The following NCKAP5 variants were observed in gnomAD, a reference collection of about 807,000 sequenced individuals.
The protein encoded by NCKAP5 is nck-associated protein 5.
NCKAP5 carries 92 observed loss-of-function variants against 167.0 expected under a neutral mutation model. That is an observed-to-expected ratio of 0.55 (90% CI 0.47 to 0.66). The LOEUF (loss-of-function observed/expected upper bound fraction) is 0.66. Ranked by LOEUF, NCKAP5 falls within the 30% of genes least tolerant of loss-of-function variation. The pLI is 0.00. For synonymous variants in NCKAP5, 891 were observed against 877.4 expected (o/e 1.02, Z -0.27); for missense variants, 2,378 against 2,315.0 (o/e 1.03, Z -0.56).
the NCKAP5 span, among the ~76,000 whole-genome samples, chr2:133,577,389 A>G: frequency 5.3e-5 from 8 of 152,152 alleles, no homozygotes; most frequent in Non-Finnish European, 7.3e-5. Context: ...CCCCTATAGC[A>G]TTGTAATGTT....
chr2:133,350,170 G>A (rs533813327), intron 3 of NCKAP5, among the ~76,000 whole-genome samples: 107 of 152,216 alleles, frequency 7.0e-4, no homozygotes, highest in South Asian at 2.5e-3. Context: ...CCAGAACTTT[G>A]GGAGCCTGAG....
chr2:133,318,677 A>T (rs917359717), intron 3 of NCKAP5, among the ~76,000 whole-genome samples: 11 of 152,150 alleles, frequency 7.2e-5, no homozygotes, highest in South Asian at 2.1e-4. Context: ...GAGAAATGGG[A>T]CATACGGCAA....
At chr2:132,948,925 A>G (rs192629150) in intron 8 of NCKAP5, among the ~76,000 whole-genome samples, 39 of 152,274 alleles carry the variant, frequency 2.6e-4, no homozygotes, top group African/African-American at 7.9e-4. Context: ...TGTGGAAGGA[A>G]AGAAAAATTC....
intron 8 of NCKAP5, among the ~76,000 whole-genome samples, chr2:132,924,858 A>C (rs747608163): frequency 6.6e-6 from 1 of 152,222 alleles, no homozygotes; most frequent in Non-Finnish European, 1.5e-5. Flanking sequence ...AAAAATACTA[A>C]GGAATATTTT....
chr2:132,851,582 C>T (rs964005079), intron 11 of NCKAP5, among the ~76,000 whole-genome samples: 1 of 152,172 alleles, frequency 6.6e-6, no homozygotes, highest in Non-Finnish European at 1.5e-5. Flanking sequence ...CTGCAGTTCT[C>T]TTCCCAAGGA....
At chr2:132,949,009 G>T (rs895554211) in intron 8 of NCKAP5, among the ~76,000 whole-genome samples, 2,121 of 40,510 alleles carry the variant, frequency 0.052, 69 homozygotes, top group African/African-American at 0.15. Context: ...GAAATGAAAA[G>T]AAAAGAAAAG....
intron 6 of NCKAP5, among the ~76,000 whole-genome samples, chr2:133,108,175 T>G (rs2081780505): frequency 6.6e-6 from 1 of 152,216 alleles, no homozygotes. Context: ...CATAATTCTC[T>G]TCTGTGTCTG....
At chr2:132,702,680 A>C (rs555927287) in intron 19 of NCKAP5, among the ~76,000 whole-genome samples, 2 of 152,160 alleles carry the variant, frequency 1.3e-5, no homozygotes, top group East Asian at 1.9e-4. Context: ...GTTTTTCTTC[A>C]TCATTTCTTC....
intron 3 of NCKAP5, among the ~76,000 whole-genome samples, chr2:133,394,392 G>T (rs1687610689): frequency 6.6e-6 from 1 of 152,174 alleles, no homozygotes. Context: ...TCTCAGAGAA[G>T]ATGGACTATC....
At chr2:133,549,438 A>G (rs1440122104) in intron 2 of NCKAP5, among the ~76,000 whole-genome samples, 2 of 114,978 alleles carry the variant, frequency 1.7e-5, no homozygotes, top group Non-Finnish European at 3.6e-5. Context: ...AGGATTAAGA[A>G]TCTCACTCAA....
At chr2:132,702,678 T>A (rs144729800) in intron 19 of NCKAP5, among the ~76,000 whole-genome samples, 1 of 152,248 alleles carries the variant, frequency 6.6e-6, no homozygotes, top group African/African-American at 2.4e-5. Flanking sequence ...CTGTTTTTCT[T>A]CATCATTTCT....
intron 6 of NCKAP5, among the ~76,000 whole-genome samples, chr2:133,069,589 C>A (rs2080318392): frequency 6.6e-6 from 1 of 152,010 alleles, no homozygotes; most frequent in Non-Finnish European, 1.5e-5. Flanking sequence ...AGTTTTATTC[C>A]CCAGCCTTTT....
At chr2:133,304,487 T>C (rs1219982278) in intron 3 of NCKAP5, among the ~76,000 whole-genome samples, 4 of 152,202 alleles carry the variant, frequency 2.6e-5, no homozygotes, top group African/African-American at 9.6e-5. Context: ...ACAAGACCAC[T>C]GGGAATGTTA....
At chr2:132,798,768 C>T (rs1463107225) in intron 11 of NCKAP5, among the ~76,000 whole-genome samples, 1 of 152,118 alleles carries the variant, frequency 6.6e-6, no homozygotes, top group Non-Finnish European at 1.5e-5. Flanking sequence ...GAGTTCTAGC[C>T]CTGTTGAAGG....
At chr2:132,944,794 T>C (rs1337520081) in intron 8 of NCKAP5, among the ~76,000 whole-genome samples, 1 of 152,152 alleles carries the variant, frequency 6.6e-6, no homozygotes, top group Non-Finnish European at 1.5e-5. Flanking sequence ...AGAAAATGAC[T>C]CTAAGGACAT....
intron 11 of NCKAP5, among the ~76,000 whole-genome samples, chr2:132,821,754 C>T (rs1193607022): frequency 1.3e-5 from 2 of 152,104 alleles, no homozygotes; most frequent in South Asian, 2.1e-4. Context: ...GGCTATCCCC[C>T]ACTTCCCTGG....
chr2:132,961,073 T>G, intron 8 of NCKAP5, among the ~76,000 whole-genome samples: 1 of 152,232 alleles, frequency 6.6e-6, no homozygotes, highest in East Asian at 1.9e-4. Context: ...ACATTATAAT[T>G]AATTCCCCTG....
intron 2 of NCKAP5, among the ~76,000 whole-genome samples, chr2:133,551,206 C>T (rs949800491): frequency 3.9e-5 from 6 of 151,922 alleles, no homozygotes; most frequent in Admixed American, 1.3e-4. Flanking sequence ...CCCCATCAAG[C>T]TACCAATGAC....
At chr2:132,884,966 G>A (rs569545288) in intron 8 of NCKAP5, among the ~76,000 whole-genome samples, 2 of 152,244 alleles carry the variant, frequency 1.3e-5, no homozygotes, top group African/African-American at 4.8e-5. Flanking sequence ...TTACTGCCAA[G>A]CAAATTAAAT....
Sources: gnomAD v4.1 joint callset for allele counts (sites outside exome capture counted in the v4.1 genomes callset) on GRCh38, gnomAD v4.1.1 for gene constraint, MANE v1.5 for transcripts, NCBI Gene and HGNC (gene_info 2026-07-23, HGNC 2026-07-21) for gene names.